COL8A1: variants seen among roughly 807,000 people sequenced by gnomAD.
COL8A1 encodes the protein collagen alpha-1(VIII) chain.
COL8A1 carries 21 observed loss-of-function variants against 42.7 expected under a neutral mutation model. The ratio of observed to expected loss-of-function variants is 0.49; its 90% CI spans 0.35 to 0.71. The LOEUF (loss-of-function observed/expected upper bound fraction) is 0.71. Ranked by LOEUF, COL8A1 falls within the 30% of genes least tolerant of loss-of-function variation. The probability of loss-of-function intolerance (pLI) is 0.01; values close to 1 mark genes in which losing one functional copy is unlikely to be tolerated. For missense variants in COL8A1, 788 were observed against 962.4 expected, an observed-to-expected ratio of 0.82 and a Z score of 2.40; for synonymous variants, 367 against 369.1, an observed-to-expected ratio of 0.99 and a Z score of 0.06.
At chr3:99,756,783 CACTT>C (rs145749922) in intron 2 of COL8A1, among the ~76,000 whole-genome samples, 2,037 of 152,284 alleles carry the variant, frequency 0.013, 44 homozygotes, top group African/African-American at 0.046. Context: ...AGAAAACACT[CACTT>C]TGGGGATACA....
chr3:99,679,340 A>G (rs1938797322), intron 1 of COL8A1: 1 of 152,262 alleles, frequency 6.6e-6, no homozygotes, highest in Non-Finnish European at 1.5e-5. Context: ...ACAGAGAACA[A>G]GAAAGCAAAA....
intron 1 of COL8A1, among the ~76,000 whole-genome samples, chr3:99,727,605 AAAGATCAG>A (rs1940372757): frequency 6.6e-6 from 1 of 152,042 alleles, no homozygotes; most frequent in African/African-American, 2.4e-5. Context: ...CAGGTTTGTC[AAAGATCAG>A]ATGGTTGTAG....
intron 1 of COL8A1, among the ~76,000 whole-genome samples, chr3:99,735,333 C>T (rs1441230124): frequency 5.7e-5 from 3 of 52,634 alleles, no homozygotes; most frequent in Admixed American, 4.9e-4. Context: ...CCATCAATAC[C>T]TAATTTATTG....
At chr3:99,746,267 T>G (rs948623083) in intron 2 of COL8A1, among the ~76,000 whole-genome samples, 9 of 152,212 alleles carry the variant, frequency 5.9e-5, no homozygotes, top group African/African-American at 2.2e-4. Context: ...AAGCCAGATG[T>G]TCTCCAAATG....
chr3:99,701,973 A>G (rs1939553504), intron 1 of COL8A1, among the ~76,000 whole-genome samples: 1 of 152,186 alleles, frequency 6.6e-6, no homozygotes, highest in Non-Finnish European at 1.5e-5. Flanking sequence ...GTTGTTCAGA[A>G]GGAGCCTATG....
At chr3:99,725,877 G>C (rs1358062428) in intron 1 of COL8A1, among the ~76,000 whole-genome samples, 1 of 152,038 alleles carries the variant, frequency 6.6e-6, no homozygotes, top group South Asian at 2.1e-4. Flanking sequence ...ATAAACATAC[G>C]TGTGCATATG....
chr3:99,691,405 G>A (rs979930915), intron 1 of COL8A1: 6 of 152,098 alleles, frequency 3.9e-5, no homozygotes, highest in African/African-American at 1.4e-4. Flanking sequence ...CTAGGATCCA[G>A]TTTCACCTAT....
At chr3:99,730,554 G>A (rs935245843) in intron 1 of COL8A1, among the ~76,000 whole-genome samples, 6 of 152,056 alleles carry the variant, frequency 3.9e-5, no homozygotes, top group Middle Eastern at 3.2e-3. Flanking sequence ...TCATTAAGAC[G>A]TCTCATTCTG....
chr3:99,741,034 T>G (rs546539273), intron 1 of COL8A1, among the ~76,000 whole-genome samples: 1 of 152,182 alleles, frequency 6.6e-6, no homozygotes, highest in African/African-American at 2.4e-5. Context: ...TTTAAAACTC[T>G]GGGTATATAA....
intron 1 of COL8A1, chr3:99,675,782 C>G (rs2107317834): frequency 6.6e-6 from 1 of 152,460 alleles, no homozygotes; most frequent in South Asian, 2.1e-4. Context: ...AACCCATAAG[C>G]CTTTAAACAC....
chr3:99,703,153 T>C (rs553650985), intron 1 of COL8A1, among the ~76,000 whole-genome samples: 1 of 152,324 alleles, frequency 6.6e-6, no homozygotes, highest in African/African-American at 2.4e-5. Flanking sequence ...AGTGAGGGTA[T>C]TGAGCAGAAA....
intron 1 of COL8A1, among the ~76,000 whole-genome samples, chr3:99,689,146 G>A (rs1388593623): frequency 6.6e-6 from 1 of 152,224 alleles, no homozygotes; most frequent in South Asian, 2.1e-4. Flanking sequence ...GCAAGTGTAA[G>A]TCATTTATCT....
chr3:99,690,760 C>A (rs1939195074), intron 1 of COL8A1, among the ~76,000 whole-genome samples: 3 of 152,204 alleles, frequency 2.0e-5, no homozygotes, highest in Admixed American at 1.3e-4. Flanking sequence ...TAGCTGATAT[C>A]ACCTGAGGAG....
chr3:99,791,620 C>T (rs1454341114), intron 3 of COL8A1, among the ~76,000 whole-genome samples: 3 of 152,172 alleles, frequency 2.0e-5, no homozygotes, highest in African/African-American at 7.2e-5. Context: ...TATTTAGCAC[C>T]AACAAAATGC....
intron 1 of COL8A1, among the ~76,000 whole-genome samples, chr3:99,642,630 C>T (rs1405560635): frequency 6.6e-6 from 1 of 152,180 alleles, no homozygotes; most frequent in African/African-American, 2.4e-5. Context: ...CCCTTCTCTC[C>T]TTCAGCAAAC....
intron 1 of COL8A1, among the ~76,000 whole-genome samples, chr3:99,744,187 C>T (rs1940968664): frequency 1.3e-5 from 2 of 152,190 alleles, no homozygotes; most frequent in African/African-American, 4.8e-5. Flanking sequence ...GCCTCGGCCT[C>T]CCAAAGTGCT....
intron 1 of COL8A1, among the ~76,000 whole-genome samples, chr3:99,642,254 G>C (rs940675771): frequency 6.6e-6 from 1 of 152,138 alleles, no homozygotes; most frequent in Admixed American, 6.5e-5. Context: ...TCCATTTGTT[G>C]TTTGAGGGAG....
At chr3:99,668,298 T>C (rs1938427706) in intron 1 of COL8A1, among the ~76,000 whole-genome samples, 2 of 152,202 alleles carry the variant, frequency 1.3e-5, no homozygotes. Flanking sequence ...AATGTCATGC[T>C]ACATGTCATC....
chr3:99,686,099 T>C (rs1407088072), intron 1 of COL8A1, among the ~76,000 whole-genome samples: 1 of 152,198 alleles, frequency 6.6e-6, no homozygotes, highest in Non-Finnish European at 1.5e-5. Flanking sequence ...TCATCAGAAC[T>C]AATCACATAG....
Sources: gnomAD v4.1 joint callset for allele counts (sites outside exome capture counted in the v4.1 genomes callset) on GRCh38, gnomAD v4.1.1 for gene constraint, MANE v1.5 for transcripts, NCBI Gene and HGNC (gene_info 2026-07-23, HGNC 2026-07-21) for gene names.